Variants in CCAR2 observed in about 807,000 individuals in gnomAD.
CCAR2 encodes the protein cell cycle and apoptosis regulator protein 2.
A neutral mutation model predicts 108.1 loss-of-function variants in CCAR2; 21 were observed. The ratio of observed to expected loss-of-function variants is 0.19; its 90% confidence interval spans 0.14 to 0.28. The LOEUF is 0.28. Among genes scored for constraint, CCAR2 ranks in the 10% least tolerant of loss-of-function variants. CCAR2 has a pLI of 1.00. For missense variants in CCAR2, 1,126 were observed against 1,177.0 expected (o/e 0.96, Z 0.63); for synonymous variants, 577 against 472.8 (o/e 1.22, Z -2.86).
Position 22,618,851 on chromosome 8 carries a change from C to T in CCAR2, c.2357C>T (p.Pro786Leu). Residue 786 changes from proline (P) to leucine (L), a missense_variant, in exon 19 of 21, where the codon CCT becomes CTT. Pro to Leu is a moderately conservative substitution (Grantham distance 98). This residue lies in a region of CCAR2 where 1,013 missense variants were observed against 993.9 expected (regional missense o/e 1.02). Coordinates refer to ENST00000308511, the MANE Select transcript of CCAR2 (RefSeq NM_001393997.1). ...GGAAACCTGGACCTGCTGCCCCCTC[C>T]TGGGAAAAGCACGAAGCCAGGTGCT... Reference protein sequence around the residue: ...LFGNLDLLPPPGKSTKPGAAP... With the variant: ...LFGNLDLLPPLGKSTKPGAAP... The T allele has an allele frequency of 1.2e-6, 2 of 1,613,878 alleles. No individual in the cohort carries two copies. Among genetic ancestry groups the T allele is most frequent in the Non-Finnish European group, 1.7e-6 (2 of 1,179,978 alleles).
In CCAR2 at chr8:22,614,327, G is replaced by A. The variant is rs201918579; in HGVS notation, c.927+13G>A. The A allele has an allele frequency of 5.0e-6, 8 of 1,613,862 alleles. No homozygotes were observed. The highest frequency in any genetic ancestry group is 3.3e-4 in the Middle Eastern group (2 of 6,084). On this transcript the variant is annotated intron_variant, in intron 9 of 20. Transcript: ENST00000308511. ...TTATAGTTCGAAGGTAAGCTGACAG[G>A]CGTCTCTCACTTATCTGATTTCTGG...
intron 7 of CCAR2, 80 bp downstream of exon 7, chr8:22,608,145 G>C (rs1801150879): frequency 8.5e-7 from 1 of 1,183,126 alleles, no homozygotes; most frequent in African/African-American, 1.5e-5. Context: ...TTTTGTGTTG[G>C]CCAGGAAGTG....
intron 6 of CCAR2, 50 bp from the exon 7 acceptor site, chr8:22,607,919 C>T (rs571090323): frequency 3.9e-6 from 6 of 1,523,246 alleles, no homozygotes; most frequent in South Asian, 3.4e-5. Context: ...AGCTATTGCA[C>T]CCGGCCGGTT....
downstream of CCAR2, chr8:22,621,487 G>C (rs746437989): frequency 6.2e-7 from 1 of 1,613,942 alleles, no homozygotes; most frequent in East Asian, 2.2e-5. Context: ...TCCCGCTCCC[G>C]CTGCTCATCG....
Position 22,618,632 on chromosome 8 carries a change from A to T in CCAR2, c.2236A>T (p.Ser746Cys). 2 of 1,614,126 alleles carry T rather than the reference A, an allele frequency of 1.2e-6. No homozygotes were observed. Among genetic ancestry groups the T allele is most frequent in the Non-Finnish European group, 1.7e-6 (2 of 1,180,020 alleles). ...LSAEQAKQLV[S>C]RVVTQNICQY... ...TTTTCTGCAGGCCAAGCAGCTGGTCAGCAGGGTGGTGACCCAGAACATCTG... is the reference window on the plus strand; with the variant it reads ...TTTTCTGCAGGCCAAGCAGCTGGTCTGCAGGGTGGTGACCCAGAACATCTG... The change falls in exon 18 of 21, where the codon AGC becomes TGC. Residue 746 changes from serine (S) to cysteine (C), a missense_variant. Physicochemically the swap from Ser to Cys is moderately radical, Grantham distance 112. This residue lies in a region of CCAR2 where 1,013 missense variants were observed against 993.9 expected (regional missense o/e 1.02). Transcript: ENST00000308511.
rs762609683 is a variant in CCAR2, at chr8:22,616,083, A to C, written c.1680A>C (p.Leu560=). 9 of 1,613,924 alleles carry C rather than the reference A, an allele frequency of 5.6e-6. No individual in the cohort carries two copies. The highest frequency in any genetic ancestry group is 6.8e-6 in the Non-Finnish European group (8 of 1,180,034). ...TTGGCTATAGAGTTTATAAGATGCT[A>C]CTGAGCCTTCCTGAAAAGGTCGTGT... ...RDFGYRVYKM[L]LSLPEKVVSP... The change falls in exon 14 of 21, where the codon CTA becomes CTC. Residue 560 remains leucine (L), a synonymous_variant. Transcript: ENST00000308511.
In CCAR2 at chr8:22,618,442, C is replaced by G; in HGVS notation, c.2167C>G (p.Arg723Gly). The G allele has an allele frequency of 6.2e-7, 1 of 1,614,178 alleles. No homozygotes were observed. Among genetic ancestry groups the G allele is most frequent in the South Asian group, 1.1e-5 (1 of 91,076 alleles). The change falls in exon 17 of 21, where the codon CGA becomes GGA. Residue 723 changes from arginine (R) to glycine (G), a missense_variant. Transcript: ENST00000308511. ...DANWCGYLHR[R>G]DLERILLTLG... ...CAACTGGTGTGGCTACTTGCACCGGCGAGACTTAGAGAGGATCCTCCTTAC... is the reference window on the plus strand; with the variant it reads ...CAACTGGTGTGGCTACTTGCACCGGGGAGACTTAGAGAGGATCCTCCTTAC...
At chr8:22,607,168 C>T (rs368815055) in intron 5 of CCAR2, 28 bp from the exon 6 acceptor site, 6 of 1,612,730 alleles carry the variant, frequency 3.7e-6, no homozygotes, top group Admixed American at 1.7e-5. Flanking sequence ...CATGGGGTCC[C>T]CTGAATTTCC....
In CCAR2 at chr8:22,613,095, G is replaced by C. The variant is rs143545630; in HGVS notation, c.663G>C (p.Leu221=). 3.0e-5 allele frequency: 49 copies of C among 1,612,616 alleles called. No individual in the cohort carries two copies. The African/African-American group carries it at 6.4e-4, about 21-fold the overall frequency. The change falls in exon 8 of 21, where the codon CTG becomes CTC. Residue 221 remains leucine, a synonymous_variant. Coordinates refer to ENST00000308511, the MANE Select transcript of CCAR2 (RefSeq NM_001393997.1). ...GTGCTAAGAAGCCAAGGCATGACCT[G>C]CCTCCTTACCGGGTCCACCTCACTC... ...PWGAKKPRHD[L]PPYRVHLTPY... is the part of the protein sequence containing the mutation.
intron 7 of CCAR2, 150 bp from the exon 8 acceptor site, chr8:22,612,867 T>C (rs1801344276): frequency 3.6e-6 from 3 of 827,322 alleles, no homozygotes; most frequent in Admixed American, 3.2e-5. Context: ...AATATCTTTA[T>C]AACATTCTGT....
intron 7 of CCAR2, among the ~76,000 whole-genome samples, chr8:22,609,853 C>T (rs574820462): frequency 6.6e-6 from 1 of 152,246 alleles, no homozygotes; most frequent in South Asian, 2.1e-4. Flanking sequence ...ATTACTTTGG[C>T]CATTATGCTT....
In CCAR2 at chr8:22,616,223, C is replaced by T. The variant is rs142397736; in HGVS notation, c.1820C>T (p.Pro607Leu). ...AAGGATGAGGCACAGAATGAGGGCC[C>T]GGCTACAGAGTCAGAGGCCCCGCTG... ...EPKDEAQNEGPATESEAPLKE... is the reference protein window; with the variant it reads ...EPKDEAQNEGLATESEAPLKE... The change falls in exon 14 of 21, where the codon CCG becomes CTG. Residue 607 changes from proline to leucine, a missense_variant. Coordinates refer to ENST00000308511, the MANE Select transcript of CCAR2 (RefSeq NM_001393997.1). 8.7e-5 allele frequency: 140 copies of T among 1,613,014 alleles called. No individual in the cohort carries two copies. In the Middle Eastern group the frequency reaches 1.3e-3, roughly 15 times the overall value.
rs890006077 is a variant in CCAR2, at chr8:22,606,185, G to C, written c.150+9G>C. The C allele has an allele frequency of 6.2e-7, 1 of 1,605,712 alleles. No individual in the cohort carries two copies. On this transcript the variant is annotated intron_variant, in intron 3 of 20. Transcript: ENST00000308511. The stretch of plus-strand genomic sequence containing the variant: ...ATGCCAGGCACCTTCAGGTAGGTTC[G>C]GCATCCCTTGTAGTAAGTTTCAGCC...
chr8:22,616,126 AAGG>A lies in CCAR2; in HGVS notation c.1730_1732del (p.Glu577del), dbSNP rs773815326. 2.5e-6 allele frequency: 4 copies of A among 1,613,812 alleles called. No homozygotes were observed. The highest frequency in any genetic ancestry group is 1.1e-5 in the South Asian group (1 of 91,076). ...GGTCGTGTCCCCACCTGAACCTGAG[AAGG>A]AGGAGGCGGCCAAGGAAGAAGCCAC... is the stretch of plus-strand genomic sequence containing the variant. On this transcript the variant is annotated inframe_deletion, in exon 14 of 21. Coordinates refer to ENST00000308511, the MANE Select transcript of CCAR2 (RefSeq NM_001393997.1).
intron 7 of CCAR2, among the ~76,000 whole-genome samples, chr8:22,609,112 G>T (rs1456331450): frequency 6.8e-6 from 1 of 146,940 alleles, no homozygotes; most frequent in Admixed American, 6.9e-5. Context: ...GTGTGGTGGT[G>T]TGATCACGGC....
At chr8:22,618,795 C>T in intron 18 of CCAR2, 32 bp from the exon 19 acceptor site, 7 of 1,613,038 alleles carry the variant, frequency 4.3e-6, no homozygotes, top group Admixed American at 1.7e-5. Flanking sequence ...CTGGAGACTC[C>T]ATCCTGAATT....
chr8:22,611,400 G>GTGTGTGTGTGTGTGTGTGTA, intron 7 of CCAR2, among the ~76,000 whole-genome samples: 1 of 142,846 alleles, frequency 7.0e-6, no homozygotes, highest in Admixed American at 6.8e-5. Flanking sequence ...GTGTGTGTGT[G>GTGTGTGTGTGTGTGTGTGTA]TGTGTATGTG....
At chr8:22,615,294 G>A (rs1328298489) in intron 11 of CCAR2, 131 bp from the exon 12 acceptor site, 4 of 1,160,242 alleles carry the variant, frequency 3.4e-6, no homozygotes, top group Non-Finnish European at 4.9e-6. Flanking sequence ...CTTTCCTGTT[G>A]TGTCTTCAAA....
At chr8:22,611,400 G>GTGTGTGTA (rs1334106181) in intron 7 of CCAR2, among the ~76,000 whole-genome samples, 1 of 142,790 alleles carries the variant, frequency 7.0e-6, no homozygotes, top group Admixed American at 6.8e-5. Context: ...GTGTGTGTGT[G>GTGTGTGTA]TGTGTATGTG....
Sources: gnomAD v4.1 joint callset for allele counts (sites outside exome capture counted in the v4.1 genomes callset) on GRCh38, gnomAD v4.1.1 for gene constraint, gnomAD v4.1.1 regional missense constraint, MANE v1.5 for transcripts, NCBI Gene and HGNC (gene_info 2026-07-23, HGNC 2026-07-21) for gene names.